LIPM: variants seen among roughly 807,000 people sequenced by gnomAD.
LIPM encodes lipase family member M.
A neutral mutation model predicts 42.4 loss-of-function variants in LIPM; 42 were observed. The ratio of observed to expected loss-of-function variants is 0.99; its 90% CI spans 0.77 to 1.28. The LOEUF (loss-of-function observed/expected upper bound fraction) is 1.28. Ranked by LOEUF, LIPM falls within the 50% of genes most tolerant of loss-of-function variation. The pLI is 0.00. For synonymous variants in LIPM, 177 were observed against 173.3 expected (o/e 1.02, Z -0.17); for missense variants, 524 against 520.1 (o/e 1.01, Z -0.07).
At chr10:88,815,578 A>G in intron 6 of LIPM, 75 bp downstream of exon 6, 1 of 1,283,812 alleles carries the variant, frequency 7.8e-7, no homozygotes, top group South Asian at 1.4e-5. Flanking sequence ...CTGGAGGGAG[A>G]GCTAATGCCA....
At chr10:88,806,114 A>C (rs1402530155) in intron 1 of LIPM, 4 of 411,378 alleles carry the variant, frequency 9.7e-6, no homozygotes, top group Non-Finnish European at 1.5e-5. Flanking sequence ...TGTTGACAGC[A>C]CTTCCAGTGG....
intron 1 of LIPM, among the ~76,000 whole-genome samples, chr10:88,803,894 T>C (rs1194317643): frequency 6.6e-6 from 1 of 152,144 alleles, no homozygotes; most frequent in Non-Finnish European, 1.5e-5. Flanking sequence ...ACAAAGTCTA[T>C]AATTATAAAT....
At position 88,813,118 on chromosome 10, in the gene LIPM, T is replaced by C; in HGVS notation, c.287T>C (p.Leu96Pro). ...KKTGSRPVVLLQHGLVGGASN... is the reference protein window; with the variant it reads ...KKTGSRPVVLPQHGLVGGASN... Reference sequence around the variant, plus strand: ...GCAGGTTCCAGGCCTGTGGTGTTACTGCAGCATGGCCTAGTTGGAGGTGCT... The same window carrying C: ...GCAGGTTCCAGGCCTGTGGTGTTACCGCAGCATGGCCTAGTTGGAGGTGCT... Residue 96 changes from leucine to proline, a missense_variant, in exon 3 of 9, where the codon CTG becomes CCG. Leu to Pro is a moderately conservative substitution (Grantham distance 98, BLOSUM62 -3). Coordinates refer to ENST00000404743, the MANE Select transcript of LIPM (RefSeq NM_001128215.1). 6.2e-7 allele frequency: 1 copy of C among 1,600,558 alleles called. No individual in the cohort carries two copies. The highest frequency in any genetic ancestry group is 8.5e-7 in the Non-Finnish European group (1 of 1,172,890).
intron 3 of LIPM, 28 bp from the exon 4 acceptor site, chr10:88,814,502 C>T (rs1464468136): frequency 6.9e-7 from 1 of 1,451,868 alleles, no homozygotes; most frequent in Admixed American, 2.0e-5. Flanking sequence ...TATAATTTTT[C>T]ATATAACTTT....
chr10:88,816,447 T>G (rs927335198), intron 6 of LIPM, among the ~76,000 whole-genome samples: 4 of 152,212 alleles, frequency 2.6e-5, no homozygotes, highest in Non-Finnish European at 5.9e-5. Context: ...ACTTTGCAGA[T>G]TAGTATACTA....
intron 8 of LIPM, 101 bp downstream of exon 8, chr10:88,817,997 A>C: frequency 1.1e-6 from 1 of 946,724 alleles, no homozygotes; most frequent in South Asian, 1.5e-5. Context: ...ATAAAATATG[A>C]AAATTTAAGC....
At position 88,806,651 on chromosome 10, in the gene LIPM, T is replaced by C. The variant is rs1055305921; in HGVS notation, c.148-1647T>C. ...TTTGTGTTTTAACAAACCCTCTAAG[T>C]AATTCTGATGCATGCTAAAATTTGA... On this transcript the variant is annotated intron_variant, in intron 1 of 8. Transcript: ENST00000404743. 7.2e-5 allele frequency among the ~76,000 whole-genome samples: 11 copies of C among 152,104 alleles called. 1 individual carries two copies. The highest frequency in any genetic ancestry group is 2.4e-4 in the African/African-American group (10 of 41,422).
At chr10:88,809,968 T>C (rs1042093589) in intron 2 of LIPM, among the ~76,000 whole-genome samples, 3 of 152,154 alleles carry the variant, frequency 2.0e-5, no homozygotes, top group African/African-American at 7.2e-5. Flanking sequence ...TATTCAAAGT[T>C]GCAGCTCTTT....
At chr10:88,810,420 A>C (rs1843640488) in intron 2 of LIPM, among the ~76,000 whole-genome samples, 1 of 151,854 alleles carries the variant, frequency 6.6e-6, no homozygotes, top group Non-Finnish European at 1.5e-5. Flanking sequence ...GGTTCAAGGA[A>C]TCTGCCTCCT....
intron 6 of LIPM, 124 bp from the exon 7 acceptor site, chr10:88,816,692 A>T: frequency 1.6e-6 from 1 of 638,526 alleles, no homozygotes; most frequent in Middle Eastern, 2.5e-4. Flanking sequence ...TGTTTCATAG[A>T]TAATTGCTGA....
intron 6 of LIPM, among the ~76,000 whole-genome samples, chr10:88,815,904 C>G (rs1843713853): frequency 6.6e-6 from 1 of 152,146 alleles, no homozygotes; most frequent in Non-Finnish European, 1.5e-5. Flanking sequence ...TTGGCTTAGG[C>G]TACCAGTTGG....
chr10:88,808,238 G>A, intron 1 of LIPM, 60 bp from the exon 2 acceptor site: 1 of 922,714 alleles, frequency 1.1e-6, no homozygotes, highest in Non-Finnish European at 1.7e-6. Context: ...CTTACTTTTG[G>A]ATCATTGAGA....
At chr10:88,803,430 C>A (rs147708975) in intron 1 of LIPM, among the ~76,000 whole-genome samples, 53 of 152,180 alleles carry the variant, frequency 3.5e-4, no homozygotes, top group African/African-American at 1.2e-3. Context: ...AGGTGTCAGC[C>A]TTTGCTTCTT....
chr10:88,805,357 C>T (rs998579893), intron 1 of LIPM, among the ~76,000 whole-genome samples: 1 of 152,158 alleles, frequency 6.6e-6, no homozygotes, highest in Non-Finnish European at 1.5e-5. Context: ...AGGGTGGTAG[C>T]AAAAAGGTCA....
Position 88,820,330 on chromosome 10 carries a change from G to C in LIPM, c.1101G>C (p.Met367Ile), listed in dbSNP as rs1473557485. 2 of 1,552,142 alleles carry C rather than the reference G, an allele frequency of 1.3e-6. No homozygotes were observed. The highest frequency in any genetic ancestry group is 3.3e-4 in the Middle Eastern group (2 of 6,020). ...TTTCAAATCCAGAAGACGTGAAAAT[G>C]CTGCTCTCTGAGGTGACCAACCTCA... ...DWLSNPEDVK[M>I]LLSEVTNLIY... is the part of the protein sequence containing the mutation. The change falls in exon 9 of 9, where the codon ATG becomes ATC. Residue 367 changes from methionine (M) to isoleucine (I), a missense_variant. Transcript: ENST00000404743.
At chr10:88,810,728 G>T (rs1369148918) in intron 2 of LIPM, among the ~76,000 whole-genome samples, 1 of 152,170 alleles carries the variant, frequency 6.6e-6, no homozygotes, top group Non-Finnish European at 1.5e-5. Flanking sequence ...TACCTGCTGG[G>T]TGTAAATTAA....
chr10:88,805,967 C>A, intron 1 of LIPM: 1 of 456,604 alleles, frequency 2.2e-6, no homozygotes, highest in Non-Finnish European at 4.4e-6. Context: ...AGATGTCCTA[C>A]GTTGGGCTGA....
chr10:88,811,186 C>T (rs1843650947), intron 2 of LIPM, among the ~76,000 whole-genome samples: 1 of 152,184 alleles, frequency 6.6e-6, no homozygotes, highest in Non-Finnish European at 1.5e-5. Flanking sequence ...ACAACAAGAG[C>T]TACCCATCTG....
intron 2 of LIPM, among the ~76,000 whole-genome samples, chr10:88,811,487 G>T (rs1843655922): frequency 2.0e-5 from 3 of 152,074 alleles, no homozygotes; most frequent in Non-Finnish European, 4.4e-5. Context: ...TCCTAATAGG[G>T]CAGCACCTTA....
Sources: gnomAD v4.1 joint callset for allele counts (sites outside exome capture counted in the v4.1 genomes callset) on GRCh38, gnomAD v4.1.1 for gene constraint, MANE v1.5 for transcripts, NCBI Gene and HGNC (gene_info 2026-07-23, HGNC 2026-07-21) for gene names.